Variants in TYW5 observed in about 807,000 individuals in gnomAD.
TYW5 encodes the protein tRNA-yW synthesizing protein 5.
In TYW5, 36 loss-of-function variants were observed where a neutral mutation model predicts 44.4. The ratio of observed to expected loss-of-function variants is 0.81; its 90% CI spans 0.62 to 1.07. The LOEUF (loss-of-function observed/expected upper bound fraction) is 1.07. TYW5 is among the 50% of genes least tolerant of loss of function. The pLI is 0.00. For synonymous variants in TYW5, 121 were observed against 128.1 expected, an observed-to-expected ratio of 0.94 and a Z score of 0.37; for missense variants, 354 against 365.7, an observed-to-expected ratio of 0.97 and a Z score of 0.26.
chr2:199,953,640 G>A (rs1330639771), intron 1 of TYW5, among the ~76,000 whole-genome samples: 1 of 152,108 alleles, frequency 6.6e-6, no homozygotes, highest in South Asian at 2.1e-4. Context: ...TCATGTACCT[G>A]TACAATATAC....
At chr2:199,935,848 C>CT in intron 7 of TYW5, 83 bp downstream of exon 7, 1 of 848,774 alleles carries the variant, frequency 1.2e-6, no homozygotes, top group Non-Finnish European at 1.9e-6. Flanking sequence ...TATATTTGTA[C>CT]TAAAAAAAAA....
intron 1 of TYW5, among the ~76,000 whole-genome samples, chr2:199,954,054 G>A (rs978820340): frequency 6.6e-6 from 1 of 151,436 alleles, no homozygotes; most frequent in Non-Finnish European, 1.5e-5. Flanking sequence ...ATCCTCTCCC[G>A]TAGGTTGCTA....
At chr2:199,945,639 G>A (rs2077498364) in intron 2 of TYW5, 1 of 152,202 alleles carries the variant, frequency 6.6e-6, no homozygotes, top group South Asian at 2.1e-4. Context: ...CAGTGGGGAA[G>A]TTTATCTGGA....
chr2:199,938,238 G>A (rs1007575825), intron 5 of TYW5, among the ~76,000 whole-genome samples: 1 of 151,884 alleles, frequency 6.6e-6, no homozygotes, highest in African/African-American at 2.4e-5. Flanking sequence ...CTAATTTTTT[G>A]TATTTTTAGT....
At chr2:199,943,091 G>C (rs1364935244) in intron 3 of TYW5, 2 of 152,148 alleles carry the variant, frequency 1.3e-5, no homozygotes, top group African/African-American at 4.8e-5. Flanking sequence ...CCCGATCTCA[G>C]GTGATCCACC....
rs778125163 is a variant in TYW5, at chr2:199,933,290, A to G, written c.725T>C (p.Phe242Ser). The part of the protein sequence containing the change: ...LWFHNVISEE[F>S]GVGVNIFWKH... ...CCAAAAGATATTCACTCCCACTCCAAACTCTTCAGAAATTACATTATGGAA... is the reference window on the plus strand; with the variant it reads ...CCAAAAGATATTCACTCCCACTCCAGACTCTTCAGAAATTACATTATGGAA... Residue 242 changes from phenylalanine (F) to serine (S), a missense_variant, in exon 8 of 8, where the codon TTT (phenylalanine) becomes TCT (serine). Phe to Ser is a radical substitution (Grantham distance 155). Coordinates refer to ENST00000354611, the MANE Select transcript of TYW5 (RefSeq NM_001039693.3). 6 of 1,613,508 alleles carry G rather than the reference A, an allele frequency of 3.7e-6. No individual in the cohort carries two copies. In the South Asian group the frequency reaches 4.4e-5, roughly 12 times the overall value.
chr2:199,948,239 T>A (rs971158880), intron 2 of TYW5, 79 bp downstream of exon 2: 1 of 1,464,882 alleles, frequency 6.8e-7, no homozygotes, highest in Non-Finnish European at 9.4e-7. Flanking sequence ...CATATGGTCT[T>A]TGTATAATAA....
rs765483669 is a variant in TYW5 at position 199,955,393 on chromosome 2, C to T, written c.78G>A (p.Gln26=). Residue 26 remains glutamine (Q), a splice_region_variant and synonymous_variant, in exon 1 of 8, where the codon CAG becomes CAA. Coordinates refer to ENST00000354611, the MANE Select transcript of TYW5 (RefSeq NM_001039693.3). ...REQFMQHLYP[Q]RKPLVLEGID... ...GTTCTGCCCCGCGCGAGGGCCTCAC[C>T]TGTGGGTAGAGGTGCTGCATGAACT... 3 of 1,613,550 alleles carry T rather than the reference C, an allele frequency of 1.9e-6. No individual in the cohort carries two copies. Among genetic ancestry groups the T allele is most frequent in the South Asian group, 2.2e-5 (2 of 90,874 alleles).
chr2:199,931,930 T>C lies in TYW5; in HGVS notation c.*1137A>G, dbSNP rs2077381130. ...GACAACACTTTTAGGATCTCATTTATTCATTCTTTAAGTAATTTTTCTTTT... is the reference window on the plus strand; with the variant it reads ...GACAACACTTTTAGGATCTCATTTACTCATTCTTTAAGTAATTTTTCTTTT... On this transcript the variant is annotated 3_prime_UTR_variant, in exon 8 of 8. Transcript: ENST00000354611. 1.3e-5 allele frequency: 2 copies of C among 152,200 alleles called. No homozygotes were observed. The highest frequency in any genetic ancestry group is 1.3e-4 in the Admixed American group (2 of 15,278). 9.4% of individuals were successfully genotyped at this position (152,200 alleles called of 1,614,324 possible).
chr2:199,934,314 G>A (rs1406162673), intron 7 of TYW5, among the ~76,000 whole-genome samples: 1 of 150,434 alleles, frequency 6.6e-6, no homozygotes, highest in Non-Finnish European at 1.5e-5. Context: ...CAGGAATTTT[G>A]CTTTTGTTTA....
intron 3 of TYW5, 125 bp downstream of exon 3, chr2:199,943,640 A>G: frequency 2.6e-6 from 2 of 763,176 alleles, no homozygotes; most frequent in Non-Finnish European, 4.2e-6. Flanking sequence ...GGTGCATCCA[A>G]CCAAATCTTA....
chr2:199,935,884 A>T, intron 7 of TYW5, 47 bp downstream of exon 7: 2 of 1,201,706 alleles, frequency 1.7e-6, no homozygotes, highest in Non-Finnish European at 2.4e-6. Context: ...TGAGTGACAG[A>T]GTACACATTT....
intron 1 of TYW5, among the ~76,000 whole-genome samples, chr2:199,952,927 A>G (rs1252202084): frequency 2.0e-5 from 3 of 152,250 alleles, no homozygotes; most frequent in African/African-American, 7.2e-5. Flanking sequence ...CCTCTGTATA[A>G]TACCATAATG....
chr2:199,954,934 A>G (rs2077582402), intron 1 of TYW5, among the ~76,000 whole-genome samples: 1 of 152,146 alleles, frequency 6.6e-6, no homozygotes. Flanking sequence ...GTTTTCTTTT[A>G]AAGACCTAAG....
At chr2:199,949,377 A>G (rs1055692812) in intron 1 of TYW5, among the ~76,000 whole-genome samples, 6 of 152,174 alleles carry the variant, frequency 3.9e-5, no homozygotes, top group Non-Finnish European at 7.3e-5. Flanking sequence ...CACACAAAAA[A>G]ACAAAAAACA....
intron 1 of TYW5, among the ~76,000 whole-genome samples, chr2:199,953,201 T>C (rs1005173266): frequency 6.6e-6 from 1 of 152,114 alleles, no homozygotes; most frequent in Non-Finnish European, 1.5e-5. Flanking sequence ...CGGGTGCCTG[T>C]AGTCCTGGCT....
Position 199,932,832 on chromosome 2 carries a change from GT to G in TYW5, c.*234del, listed in dbSNP as rs1213546829. On this transcript the variant is annotated 3_prime_UTR_variant, in exon 8 of 8. Transcript: ENST00000354611. ...TTGTGAATCAATATATTTTCTTACT[GT>G]TTTTAAGTCATTTTAAGTTGGACTT... is the stretch of plus-strand genomic sequence containing the variant. 8.0e-6 allele frequency: 4 copies of G among 498,122 alleles called. No homozygotes were observed. Among genetic ancestry groups the G allele is most frequent in the Non-Finnish European group, 1.4e-5 (4 of 285,620 alleles). 30.9% of individuals were successfully genotyped at this position (498,122 alleles called of 1,614,324 possible).
rs1206264244 is a variant in TYW5, at chr2:199,931,457, TA to T, written c.*1609del. The stretch of plus-strand genomic sequence containing the variant: ...AACAAGATTTATTAAAAACTGACCA[TA>T]AATAATGTGTAAACTAAGGAGAGTT... On this transcript the variant is annotated 3_prime_UTR_variant, in exon 8 of 8. Coordinates refer to ENST00000354611, the MANE Select transcript of TYW5 (RefSeq NM_001039693.3). 6.6e-5 allele frequency: 10 copies of T among 152,174 alleles called. No homozygotes were observed. Among genetic ancestry groups the T allele is most frequent in the African/African-American group, 2.4e-4 (10 of 41,466 alleles). The allele number at this position is 152,174 out of a possible 1,614,324, so 9.4% of individuals were successfully genotyped here.
chr2:199,947,515 T>TA (rs2077512205), intron 2 of TYW5: 1 of 152,202 alleles, frequency 6.6e-6, no homozygotes, highest in East Asian at 1.9e-4. Context: ...AAGACTATTT[T>TA]ATCAAAAGGG....
Sources: allele counts gnomAD v4.1 joint callset (sites outside exome capture counted in the v4.1 genomes callset), GRCh38; gene constraint gnomAD v4.1.1; transcripts MANE v1.5; gene names NCBI Gene and HGNC (gene_info 2026-07-23, HGNC 2026-07-21).